Variants in SNX30 observed in about 807,000 individuals in gnomAD.
The protein encoded by SNX30 is sorting nexin-30.
SNX30 carries 24 observed loss-of-function variants against 46.4 expected under a neutral mutation model. That is an observed-to-expected ratio of 0.52 (90% CI 0.37 to 0.73). The LOEUF (loss-of-function observed/expected upper bound fraction) is 0.73. SNX30 is among the 30% of genes least tolerant of loss of function. The pLI is 0.00. For missense variants in SNX30, 533 were observed against 555.7 expected, an observed-to-expected ratio of 0.96 and a Z score of 0.41; for synonymous variants, 189 against 211.5, an observed-to-expected ratio of 0.89 and a Z score of 0.92.
chr9:112,827,674 T>C (rs1840598512), intron 3 of SNX30, among the ~76,000 whole-genome samples: 1 of 152,234 alleles, frequency 6.6e-6, no homozygotes, highest in Admixed American at 6.5e-5. Flanking sequence ...GTCTTATTTC[T>C]GGTTTGTTTT....
chr9:112,790,062 G>A (rs765009544), intron 1 of SNX30, among the ~76,000 whole-genome samples: 2 of 152,184 alleles, frequency 1.3e-5, no homozygotes, highest in Non-Finnish European at 2.9e-5. Flanking sequence ...ACTTGTACAA[G>A]CAACCTTGGA....
intron 1 of SNX30, among the ~76,000 whole-genome samples, chr9:112,796,960 A>AGC (rs1212471216): frequency 6.6e-6 from 1 of 152,136 alleles, no homozygotes; most frequent in Admixed American, 6.5e-5. Flanking sequence ...ATATAGGGAA[A>AGC]GCACCCCCTC....
At chr9:112,847,253 G>A (rs950797532) in intron 6 of SNX30, among the ~76,000 whole-genome samples, 11 of 150,798 alleles carry the variant, frequency 7.3e-5, no homozygotes, top group East Asian at 3.9e-4. Flanking sequence ...TATCCCAGCC[G>A]TCCCGTGCGT....
intron 1 of SNX30, among the ~76,000 whole-genome samples, chr9:112,779,466 G>A (rs919607873): frequency 6.6e-6 from 1 of 152,168 alleles, no homozygotes; most frequent in African/African-American, 2.4e-5. Context: ...GGAGGCTGAG[G>A]TGGGCAGATC....
chr9:112,750,257 T>G (rs577890142), upstream of SNX30: 1 of 152,458 alleles, frequency 6.6e-6, no homozygotes, highest in African/African-American at 2.4e-5. Flanking sequence ...CACCGCCTCT[T>G]TGAAGTCCCT....
At chr9:112,816,043 CTA>C in intron 2 of SNX30, among the ~76,000 whole-genome samples, 1 of 152,252 alleles carries the variant, frequency 6.6e-6, no homozygotes, top group East Asian at 1.9e-4. Flanking sequence ...TGGGGTCTCG[CTA>C]TGTTGCCCAG....
intron 7 of SNX30, among the ~76,000 whole-genome samples, chr9:112,851,855 T>TG (rs1174557507): frequency 6.6e-6 from 1 of 152,238 alleles, no homozygotes; most frequent in African/African-American, 2.4e-5. Context: ...CTTCTGCTCC[T>TG]GGGTGGGATT....
In SNX30 at chr9:112,873,486, G is replaced by C. The variant is rs1394680585; in HGVS notation, c.*4643G>C. The C allele has an allele frequency of 1.3e-5, 2 of 152,256 alleles. No individual in the cohort carries two copies. The highest frequency in any genetic ancestry group is 3.9e-4 in the East Asian group (2 of 5,180). 9.4% of individuals were successfully genotyped at this position (152,256 alleles called of 1,614,324 possible). On this transcript the variant is annotated 3_prime_UTR_variant, in exon 9 of 9. Coordinates refer to ENST00000374232, the MANE Select transcript of SNX30 (RefSeq NM_001012994.2). ...AGTTGTTCAGCTTCAATAATATAGA[G>C]ATCTAACATAGTCAGTCCTCAGGCC...
chr9:112,755,297 G>A (rs537501577), intron 1 of SNX30, among the ~76,000 whole-genome samples: 4 of 152,294 alleles, frequency 2.6e-5, no homozygotes, highest in Middle Eastern at 3.4e-3. Context: ...AAGACTGTCC[G>A]GGGAGGGACT....
At chr9:112,818,684 C>G (rs1840443868) in intron 3 of SNX30, among the ~76,000 whole-genome samples, 2 of 152,114 alleles carry the variant, frequency 1.3e-5, no homozygotes, top group South Asian at 4.1e-4. Context: ...CAGCAAAAAC[C>G]TTTGTTGAAT....
intron 6 of SNX30, among the ~76,000 whole-genome samples, chr9:112,839,509 A>T (rs1205550195): frequency 2.0e-5 from 3 of 152,230 alleles, no homozygotes; most frequent in African/African-American, 7.2e-5. Flanking sequence ...CAAATTCTGT[A>T]TGCAGAATCG....
At chr9:112,781,798 AT>A (rs34248700) in intron 1 of SNX30, among the ~76,000 whole-genome samples, 1,457 of 139,540 alleles carry the variant, frequency 0.01, 11 homozygotes, top group African/African-American at 0.029. Flanking sequence ...CGCTTGGCTA[AT>A]TTTTTTTTTT....
chr9:112,834,756 A>T (rs1469995503), intron 4 of SNX30, among the ~76,000 whole-genome samples: 1 of 152,026 alleles, frequency 6.6e-6, no homozygotes, highest in Admixed American at 6.6e-5. Context: ...CTGAGGCTTA[A>T]CACACCCAAC....
intron 1 of SNX30, among the ~76,000 whole-genome samples, chr9:112,788,777 AAG>A (rs1839971089): frequency 6.6e-6 from 1 of 152,122 alleles, no homozygotes; most frequent in African/African-American, 2.4e-5. Flanking sequence ...GTGGGCAGAA[AAG>A]AGAGCAGGAT....
At chr9:112,848,230 C>T (rs187778830) in intron 6 of SNX30, among the ~76,000 whole-genome samples, 1 of 152,134 alleles carries the variant, frequency 6.6e-6, no homozygotes, top group Non-Finnish European at 1.5e-5. Flanking sequence ...GGCCTCTCTG[C>T]AGACGCCGGC....
rs965180664 is a variant in SNX30 at position 112,779,568 on chromosome 9, G to A, written c.157-25208G>A. On this transcript the variant is annotated intron_variant, in intron 1 of 8. Transcript: ENST00000374232. ...AAATTAGCTAGGCATCGTGGGAGGT[G>A]CCTGTAGTCCCAGCTACTTAAGAGG... 2.0e-5 allele frequency among the ~76,000 whole-genome samples: 3 copies of A among 152,250 alleles called. No individual in the cohort carries two copies. In the East Asian group the frequency reaches 5.8e-4, roughly 29 times the overall value.
At chr9:112,784,392 G>C (rs925577563) in intron 1 of SNX30, among the ~76,000 whole-genome samples, 1 of 152,206 alleles carries the variant, frequency 6.6e-6, no homozygotes, top group African/African-American at 2.4e-5. Context: ...GTGCACCTCA[G>C]ATTGTTAAGC....
chr9:112,822,899 C>G (rs1339515639), intron 3 of SNX30, among the ~76,000 whole-genome samples: 1 of 152,064 alleles, frequency 6.6e-6, no homozygotes, highest in East Asian at 1.9e-4. Flanking sequence ...GGCTGGAGAT[C>G]ACAAGAAGAA....
rs16917374 is a variant in SNX30, at chr9:112,815,785, G to A, written c.349-1920G>A. Among the ~76,000 whole-genome samples, 903 of 152,290 alleles carry A rather than the reference G, an allele frequency of 5.9e-3. 9 individuals are homozygous for A. Among genetic ancestry groups the A allele is most frequent in the African/African-American group, 0.021 (869 of 41,550 alleles). ...GTCTTTCATTAGCCCTTAATCATTG[G>A]CAAGTTCTCACATGGAGCCTATCGG... is the stretch of plus-strand genomic sequence containing the variant. On this transcript the variant is annotated intron_variant, in intron 2 of 8. Coordinates refer to ENST00000374232, the MANE Select transcript of SNX30 (RefSeq NM_001012994.2).
Sources: allele counts gnomAD v4.1 joint callset (sites outside exome capture counted in the v4.1 genomes callset), GRCh38; gene constraint gnomAD v4.1.1; transcripts MANE v1.5; gene names NCBI Gene and HGNC (gene_info 2026-07-23, HGNC 2026-07-21).